Variants in GJA8 observed in about 807,000 individuals in gnomAD.
GJA8 encodes gap junction protein alpha 8, also known as gap junction alpha-8 protein.
A neutral mutation model predicts 15.3 loss-of-function variants in GJA8; 13 were observed. The observed-to-expected ratio is 0.85, with a 90% CI of 0.55 to 1.35. GJA8 has a LOEUF of 1.35. Ranked by LOEUF, GJA8 falls within the 40% of genes most tolerant of loss-of-function variation. The pLI is 0.00. For missense variants in GJA8, 607 were observed against 553.3 expected, an observed-to-expected ratio of 1.10 and a Z score of -0.97; for synonymous variants, 304 against 238.7, an observed-to-expected ratio of 1.27 and a Z score of -2.52.
downstream of GJA8, among the ~76,000 whole-genome samples, chr1:147,911,375 CA>C (rs587629348): frequency 5.6e-4 from 86 of 152,242 alleles, no homozygotes; most frequent in African/African-American, 1.9e-3. Context: ...CATTCTAAAG[CA>C]AAGTAGTCTA....
intron 1 of GJA8, among the ~76,000 whole-genome samples, chr1:147,905,823 T>C (rs938759447): frequency 1.3e-5 from 2 of 152,304 alleles, no homozygotes; most frequent in East Asian, 3.9e-4. Flanking sequence ...CCCCTCTCCA[T>C]TACCCATTTC....
Position 147,907,991 on chromosome 1 carries a change from G to T in GJA8, c.36G>T (p.Glu12Asp). Residue 12 changes from glutamate (E) to aspartate (D), a missense_variant, in exon 2 of 2, where the codon GAG becomes GAT. Glu to Asp is a conservative substitution (Grantham distance 45). Transcript: ENST00000369235. ...GDWSFLGNIL[E>D]EVNEHSTVIG... The stretch of plus-strand genomic sequence containing the variant: ...GGAGTTTCCTGGGGAACATCTTGGA[G>T]GAGGTGAATGAGCACTCCACCGTCA... 1 of 1,614,064 alleles carries T rather than the reference G, an allele frequency of 6.2e-7. No individual in the cohort carries two copies. The highest frequency in any genetic ancestry group is 1.3e-5 in the African/African-American group (1 of 75,038).
chr1:147,907,069 T>C (rs1553242367), intron 1 of GJA8, among the ~76,000 whole-genome samples: 6 of 151,994 alleles, frequency 3.9e-5, no homozygotes. Flanking sequence ...AAGTTTTTTG[T>C]AGAGATGGGG....
At chr1:147,903,539 C>T (rs1651681971) in intron 1 of GJA8, among the ~76,000 whole-genome samples, 3 of 152,176 alleles carry the variant, frequency 2.0e-5, no homozygotes, top group Non-Finnish European at 4.4e-5. Context: ...CAGAGGAGGG[C>T]TATGCTGTAA....
intron 1 of GJA8, among the ~76,000 whole-genome samples, chr1:147,906,778 T>C (rs1255208711): frequency 2.0e-5 from 3 of 152,310 alleles, no homozygotes; most frequent in South Asian, 4.1e-4. Context: ...AATGGTGTAG[T>C]GGGAAGAACC....
chr1:147,908,789 T>C lies in GJA8; in HGVS notation c.834T>C (p.Tyr278=). The C allele has an allele frequency of 6.2e-7, 1 of 1,614,184 alleles. No homozygotes were observed. Among genetic ancestry groups the C allele is most frequent in the Non-Finnish European group, 8.5e-7 (1 of 1,180,034 alleles). The part of the protein sequence containing the change: ...LLEEEKIVSH[Y]FPLTEVGMVE... ...AAGAAGAGAAAATCGTTTCCCACTA[T>C]TTCCCCTTGACCGAGGTTGGGATGG... is the stretch of plus-strand genomic sequence containing the variant. Residue 278 remains tyrosine (Y), a synonymous_variant, in exon 2 of 2, where the codon TAT becomes TAC. Coordinates refer to ENST00000369235, the MANE Select transcript of GJA8 (RefSeq NM_005267.5).
At chr1:147,905,089 T>G (rs1651739066) in intron 1 of GJA8, among the ~76,000 whole-genome samples, 1 of 152,212 alleles carries the variant, frequency 6.6e-6, no homozygotes, top group Non-Finnish European at 1.5e-5. Flanking sequence ...ACTATCCTTT[T>G]TGTTATTTAC....
At chr1:147,904,520 C>G (rs782020430) in intron 1 of GJA8, among the ~76,000 whole-genome samples, 5 of 152,194 alleles carry the variant, frequency 3.3e-5, no homozygotes, top group Non-Finnish European at 5.9e-5. Context: ...GGCTTGAACT[C>G]TATCCATTTA....
At chr1:147,912,713 G>A (rs1553243624), downstream of GJA8, among the ~76,000 whole-genome samples, 1 of 152,042 alleles carries the variant, frequency 6.6e-6, no homozygotes, top group African/African-American at 2.4e-5. Flanking sequence ...ATAAAAAGAT[G>A]CATTAGACAG....
At chr1:147,904,241 T>C (rs1216529220) in intron 1 of GJA8, among the ~76,000 whole-genome samples, 2 of 152,166 alleles carry the variant, frequency 1.3e-5, no homozygotes, top group African/African-American at 4.8e-5. Flanking sequence ...CCAATAACTC[T>C]TATTTTTATG....
In GJA8 at chr1:147,906,889, T is replaced by A. The variant is rs587611504; in HGVS notation, c.-11-1056T>A. On this transcript the variant is annotated intron_variant, in intron 1 of 1. Transcript: ENST00000369235. Reference sequence around the variant, plus strand: ...AGCCTCAGATTTCTTTTTTCTTTTTTTTCTTTTTCCTTTGAGACAGGGTCT... The same window carrying A: ...AGCCTCAGATTTCTTTTTTCTTTTTATTCTTTTTCCTTTGAGACAGGGTCT... 1.1e-4 allele frequency among the ~76,000 whole-genome samples: 16 copies of A among 152,270 alleles called. No individual in the cohort carries two copies. The South Asian group carries it at 2.9e-3, about 28-fold the overall frequency.
At position 147,903,825 on chromosome 1, in the gene GJA8, T is replaced by C. The variant is rs1013092075; in HGVS notation, c.-12+964T>C. 1.2e-4 allele frequency among the ~76,000 whole-genome samples: 18 copies of C among 152,238 alleles called. 1 individual carries two copies. Among genetic ancestry groups the C allele is most frequent in the African/African-American group, 4.3e-4 (18 of 41,460 alleles). ...AGTTAAGTGTGTTCAATTTAAAGGC[T>C]TGTCTTTTATTCTGAAGTTATGTCC... On this transcript the variant is annotated intron_variant, in intron 1 of 1. Coordinates refer to ENST00000369235, the MANE Select transcript of GJA8 (RefSeq NM_005267.5).
Position 147,908,695 on chromosome 1 carries a change from T to G in GJA8, c.740T>G (p.Ile247Ser). ...CCTGTAGAGCAGCCCCTGGGGGAGA[T>G]TCCTGAGAAATCCCTCCACTCCATT... Reference protein sequence around the residue: ...KRPVEQPLGEIPEKSLHSIAV... With the variant: ...KRPVEQPLGESPEKSLHSIAV... Residue 247 changes from isoleucine (I) to serine (S), a missense_variant, in exon 2 of 2, where the codon ATT becomes AGT. By Grantham distance (142) the Ile-to-Ser change is moderately radical. Transcript: ENST00000369235. 6.2e-7 allele frequency: 1 copy of G among 1,614,046 alleles called. No individual in the cohort carries two copies. Among genetic ancestry groups the G allele is most frequent in the Non-Finnish European group, 8.5e-7 (1 of 1,180,000 alleles).
downstream of GJA8, among the ~76,000 whole-genome samples, chr1:147,913,810 G>A (rs587766366): frequency 6.6e-6 from 1 of 152,292 alleles, no homozygotes; most frequent in South Asian, 2.1e-4. Context: ...GCTTAGCAAA[G>A]TTTAGATGAG....
At chr1:147,911,889 G>A (rs1553243525), downstream of GJA8, among the ~76,000 whole-genome samples, 2 of 148,822 alleles carry the variant, frequency 1.3e-5, no homozygotes, top group African/African-American at 2.4e-5. Flanking sequence ...CTTATCTCAG[G>A]TGGGACATAA....
Position 147,908,030 on chromosome 1 carries a change from G to A in GJA8, c.75G>A (p.Trp25Ter). ...NEHSTVIGRV[W>*]LTVLFIFRIL... ...ACTCCACCGTCATCGGCAGAGTCTG[G>A]CTCACCGTGCTTTTCATCTTCCGGA... The change falls in exon 2 of 2, where the codon TGG becomes TGA. Residue 25 changes from tryptophan to a stop codon, truncating the protein, a stop_gained. Coordinates refer to ENST00000369235, the MANE Select transcript of GJA8 (RefSeq NM_005267.5). LOFTEE classifies it high-confidence loss of function. 6.2e-7 allele frequency: 1 copy of A among 1,614,000 alleles called. No homozygotes were observed.
chr1:147,912,717 T>A (rs1236333664), downstream of GJA8, among the ~76,000 whole-genome samples: 1 of 151,972 alleles, frequency 6.6e-6, no homozygotes, highest in Non-Finnish European at 1.5e-5. Flanking sequence ...AAAGATGCAT[T>A]AGACAGCGGG....
In GJA8 at chr1:147,908,189, G is replaced by A. The variant is rs782653846; in HGVS notation, c.234G>A (p.Trp78Ter). ...TTCCCATCTCCCACATTCGCCTCTG[G>A]GTGCTGCAGATCATCTTCGTCTCCA... The part of the protein sequence containing the change: ...EAFPISHIRL[W>*]VLQIIFVSTP... Residue 78 changes from tryptophan to a stop codon, truncating the protein, a stop_gained, in exon 2 of 2, where the codon TGG (tryptophan) becomes TGA (stop). Coordinates refer to ENST00000369235, the MANE Select transcript of GJA8 (RefSeq NM_005267.5). LOFTEE classifies it high-confidence loss of function. 1.9e-6 allele frequency: 3 copies of A among 1,614,222 alleles called. No individual in the cohort carries two copies. In the Admixed American group the frequency reaches 5.0e-5, roughly 27 times the overall value.
intron 1 of GJA8, among the ~76,000 whole-genome samples, chr1:147,907,281 G>A (rs587768740): frequency 6.6e-6 from 1 of 152,312 alleles, no homozygotes; most frequent in South Asian, 2.1e-4. Context: ...TGAGTATATA[G>A]CTGTAAATAA....
Sources: gnomAD v4.1 joint callset for allele counts (sites outside exome capture counted in the v4.1 genomes callset) on GRCh38, gnomAD v4.1.1 for gene constraint, MANE v1.5 for transcripts, NCBI Gene and HGNC (gene_info 2026-07-23, HGNC 2026-07-21) for gene names.